ZBBX: variants seen among roughly 807,000 people sequenced by gnomAD.
The protein encoded by ZBBX is zinc finger B-box domain-containing protein 1.
A neutral mutation model predicts 108.5 loss-of-function variants in ZBBX; 101 were observed. The observed-to-expected ratio is 0.93, with a 90% confidence interval of 0.79 to 1.10. The LOEUF (loss-of-function observed/expected upper bound fraction) is 1.10, where lower values mean the gene tolerates loss of function less well. Ranked by LOEUF, ZBBX falls within the 50% of genes least tolerant of loss-of-function variation. ZBBX has a pLI of 0.00. For missense variants in ZBBX, 1,009 were observed against 941.4 expected (o/e 1.07, Z -0.94); for synonymous variants, 356 against 323.4 (o/e 1.10, Z -1.08).
the ZBBX span, among the ~76,000 whole-genome samples, chr3:167,193,556 T>C: frequency 6.6e-6 from 1 of 152,126 alleles, no homozygotes; most frequent in African/African-American, 2.4e-5. Context: ...AATCTTGGGT[T>C]CCCTGGCAAT....
chr3:167,229,479 A>G, the ZBBX span, among the ~76,000 whole-genome samples: 1 of 151,832 alleles, frequency 6.6e-6, no homozygotes, highest in Non-Finnish European at 1.5e-5. Flanking sequence ...ACACATAATG[A>G]ATTGTCGAAA....
intron 8 of ZBBX, 42 bp from the exon 9 acceptor site, chr3:167,350,557 T>C: frequency 7.3e-7 from 1 of 1,377,076 alleles, no homozygotes; most frequent in African/African-American, 1.5e-5. Flanking sequence ...TCTTATAAAA[T>C]AGTATGATTT....
upstream of ZBBX, among the ~76,000 whole-genome samples, chr3:167,383,879 A>G (rs1284870415): frequency 6.6e-6 from 1 of 152,086 alleles, no homozygotes; most frequent in African/African-American, 2.4e-5. Context: ...ACTAATTAAT[A>G]TGTAATGTAT....
In ZBBX at chr3:167,298,324, A is replaced by G; in HGVS notation, c.1860T>C (p.Ser620=). The G allele has an allele frequency of 6.3e-7, 1 of 1,597,660 alleles. No individual in the cohort carries two copies. The highest frequency in any genetic ancestry group is 8.5e-7 in the Non-Finnish European group (1 of 1,173,310). The change falls in exon 18 of 22, where the codon AGT becomes AGC. Residue 620 remains serine, a synonymous_variant. Coordinates refer to ENST00000675490, the MANE Select transcript of ZBBX (RefSeq NM_001199201.2). ...PSHRLECNNS[S]TRITLAEDRE... ...ATTTACCTGCAAGTGTAATCCTAGT[A>G]CTGGAATTGTTGCATTCTAAACGAT... is the stretch of plus-strand genomic sequence containing the variant.
chr3:167,247,704 T>C (rs1488472754), intron 20 of ZBBX, among the ~76,000 whole-genome samples: 1 of 151,550 alleles, frequency 6.6e-6, no homozygotes, highest in African/African-American at 2.4e-5. Flanking sequence ...GTTAGAGCAG[T>C]GGGGCACTGA....
chr3:167,309,009 T>TGG (rs1193946030), intron 16 of ZBBX, among the ~76,000 whole-genome samples: 1 of 152,190 alleles, frequency 6.6e-6, no homozygotes, highest in Non-Finnish European at 1.5e-5. Flanking sequence ...TGGCAACATC[T>TGG]GGAAGTTATC....
chr3:167,231,068 G>C, the ZBBX span, among the ~76,000 whole-genome samples: 1 of 151,786 alleles, frequency 6.6e-6, no homozygotes, highest in Non-Finnish European at 1.5e-5. Flanking sequence ...GGTAAATAGT[G>C]TTGTCAATTA....
intron 1 of ZBBX, among the ~76,000 whole-genome samples, chr3:167,404,201 T>C (rs926671516): frequency 1.3e-5 from 2 of 152,132 alleles, no homozygotes; most frequent in African/African-American, 2.4e-5. Flanking sequence ...TATTTCATAA[T>C]GATAAATGGA....
chr3:167,331,814 A>G (rs1738680530), intron 10 of ZBBX, among the ~76,000 whole-genome samples: 1 of 152,218 alleles, frequency 6.6e-6, no homozygotes, highest in Non-Finnish European at 1.5e-5. Flanking sequence ...AAAACAGAAG[A>G]GCAAAAAAGC....
intron 6 of ZBBX, among the ~76,000 whole-genome samples, chr3:167,363,385 G>T (rs1744828463): frequency 6.6e-6 from 1 of 151,986 alleles, no homozygotes; most frequent in African/African-American, 2.4e-5. Flanking sequence ...GTCTTCAACT[G>T]TCCTAAGAAA....
intron 20 of ZBBX, among the ~76,000 whole-genome samples, chr3:167,260,315 GAAGATCTTT>G (rs1200627516): frequency 6.6e-6 from 1 of 152,154 alleles, no homozygotes; most frequent in African/African-American, 2.4e-5. Context: ...GTACCTAGGT[GAAGATCTTT>G]TTGCAGTGAA....
At position 167,372,821 on chromosome 3, in the gene ZBBX, T is replaced by C. The variant is rs770085870; in HGVS notation, c.68+13A>G. 1.3e-5 allele frequency: 17 copies of C among 1,327,782 alleles called. No homozygotes were observed. In the East Asian group the frequency reaches 3.5e-4, roughly 27 times the overall value. The allele number at this position is 1,327,782 out of a possible 1,614,324, so 82.3% of individuals were successfully genotyped here. On this transcript the variant is annotated intron_variant, in intron 4 of 21. Transcript: ENST00000675490. The stretch of plus-strand genomic sequence containing the variant: ...AACTATTCCTATTAAGAAATAAATA[T>C]ATATGAACTCACCTATATTTTAGCT...
intron 5 of ZBBX, chr3:167,366,895 G>C (rs1409709064): frequency 2.2e-6 from 1 of 456,044 alleles, no homozygotes. Flanking sequence ...GTCATTAAAA[G>C]CAGCAAGACA....
chr3:167,256,889 T>C (rs1723615839), intron 20 of ZBBX, among the ~76,000 whole-genome samples: 1 of 152,118 alleles, frequency 6.6e-6, no homozygotes, highest in Admixed American at 6.6e-5. Flanking sequence ...GACCCTTAGG[T>C]TGCTTCTGAA....
the ZBBX span, among the ~76,000 whole-genome samples, chr3:167,196,272 A>C: frequency 6.6e-6 from 1 of 152,230 alleles, no homozygotes; most frequent in Non-Finnish European, 1.5e-5. Context: ...ATGTGAAACC[A>C]ATTCTATTTC....
At chr3:167,218,098 T>A in the ZBBX span, among the ~76,000 whole-genome samples, 1 of 152,044 alleles carries the variant, frequency 6.6e-6, no homozygotes, top group South Asian at 2.1e-4. Context: ...CACAAAGGTG[T>A]CTTCTTGAAG....
At chr3:167,263,491 A>C (rs1386100050) in intron 20 of ZBBX, among the ~76,000 whole-genome samples, 1 of 152,094 alleles carries the variant, frequency 6.6e-6, no homozygotes, top group East Asian at 1.9e-4. Flanking sequence ...TACACTGGTC[A>C]TTTGGGAGCA....
At chr3:167,249,807 A>G (rs1396916646) in intron 20 of ZBBX, among the ~76,000 whole-genome samples, 1 of 152,218 alleles carries the variant, frequency 6.6e-6, no homozygotes, top group African/African-American at 2.4e-5. Flanking sequence ...TTTCATATAT[A>G]GCGTCAGAGA....
At chr3:167,348,359 AG>A (rs1372162605) in intron 9 of ZBBX, among the ~76,000 whole-genome samples, 9 of 144,592 alleles carry the variant, frequency 6.2e-5, no homozygotes, top group Non-Finnish European at 1.0e-4. Flanking sequence ...AAAGAAAGAA[AG>A]AAAGAAAGAA....
Sources: allele counts gnomAD v4.1 joint callset (sites outside exome capture counted in the v4.1 genomes callset), GRCh38; gene constraint gnomAD v4.1.1; transcripts MANE v1.5; gene names NCBI Gene and HGNC (gene_info 2026-07-23, HGNC 2026-07-21).